Variants in GLRA3 observed in about 807,000 individuals in gnomAD.
GLRA3 encodes the protein glycine receptor subunit alpha-3.
In GLRA3, 44 loss-of-function variants were observed where a neutral mutation model predicts 60.4. The ratio of observed to expected loss-of-function variants is 0.73; its 90% CI spans 0.57 to 0.94. The LOEUF (loss-of-function observed/expected upper bound fraction) is 0.94, where lower values mean the gene tolerates loss of function less well. Ranked by LOEUF, GLRA3 falls within the 40% of genes least tolerant of loss-of-function variation. GLRA3 has a pLI of 0.00. For missense variants in GLRA3, 508 were observed against 564.6 expected (o/e 0.90, Z 1.02); for synonymous variants, 223 against 192.9 (o/e 1.16, Z -1.29).
chr4:174,734,985 A>G (rs1579525702), intron 3 of GLRA3, among the ~76,000 whole-genome samples: 1 of 152,192 alleles, frequency 6.6e-6, no homozygotes, highest in Non-Finnish European at 1.5e-5. Context: ...CTTGCTGTCA[A>G]TGAAAAATAG....
chr4:174,818,610 T>C (rs1740605386), intron 1 of GLRA3, among the ~76,000 whole-genome samples: 1 of 152,132 alleles, frequency 6.6e-6, no homozygotes, highest in Non-Finnish European at 1.5e-5. Context: ...ATTTCAGAGA[T>C]TTAAGGGGAA....
chr4:174,726,407 T>C (rs1488788963), intron 4 of GLRA3, among the ~76,000 whole-genome samples: 1 of 152,202 alleles, frequency 6.6e-6, no homozygotes, highest in Non-Finnish European at 1.5e-5. Context: ...GGCTTTGCTG[T>C]CTTAAGGGGG....
chr4:174,721,105 T>A (rs1288909392), intron 4 of GLRA3, among the ~76,000 whole-genome samples: 7 of 151,786 alleles, frequency 4.6e-5, no homozygotes, highest in Admixed American at 2.0e-4. Context: ...CTTGGCACAC[T>A]GGAACCTCCA....
intron 1 of GLRA3, among the ~76,000 whole-genome samples, chr4:174,808,430 C>T (rs1029562446): frequency 2.0e-5 from 3 of 151,966 alleles, no homozygotes; most frequent in Non-Finnish European, 2.9e-5. Context: ...TACAGCATTG[C>T]CAGTCATATA....
chr4:174,809,940 A>G lies in GLRA3; in HGVS notation c.71+18801T>C, dbSNP rs114376357. On this transcript the variant is annotated intron_variant, in intron 1 of 9. Transcript: ENST00000274093. ...TAGAAGAAATTAAGACTTTTATAGA[A>G]GAGAATTTTATAAATAAGACAAAAT... Among the ~76,000 whole-genome samples the G allele has an allele frequency of 9.6e-3, 1,467 of 152,244 alleles. 22 individuals are homozygous for G. Among genetic ancestry groups the G allele is most frequent in the African/African-American group, 0.033 (1,352 of 41,546 alleles).
chr4:174,808,528 C>G (rs761661593), intron 1 of GLRA3, among the ~76,000 whole-genome samples: 3 of 152,126 alleles, frequency 2.0e-5, no homozygotes, highest in Non-Finnish European at 4.4e-5. Context: ...CCCTACTATA[C>G]TTTTAATCTT....
rs894835082 is a variant in GLRA3, at chr4:174,706,251, A to G, written c.574+9237T>C. 5.9e-5 allele frequency among the ~76,000 whole-genome samples: 9 copies of G among 152,158 alleles called. No homozygotes were observed. The East Asian group carries it at 1.2e-3, about 20-fold the overall frequency. On this transcript the variant is annotated intron_variant, in intron 5 of 9. Transcript: ENST00000274093. The stretch of plus-strand genomic sequence containing the variant: ...TCTCAGAAAAAAAAAAGAAAAAAAA[A>G]ATGTTCAGAAATGGCCTGGCGGAAT...
intron 4 of GLRA3, among the ~76,000 whole-genome samples, chr4:174,716,846 A>C (rs1579497074): frequency 6.6e-6 from 1 of 152,260 alleles, no homozygotes; most frequent in East Asian, 1.9e-4. Flanking sequence ...AGACTCCTTC[A>C]TTTACTCATC....
At chr4:174,673,650 A>G (rs1412433086) in intron 7 of GLRA3, among the ~76,000 whole-genome samples, 1 of 152,140 alleles carries the variant, frequency 6.6e-6, no homozygotes. Context: ...CTGTCTTTCC[A>G]GGCTTTCTTC....
At chr4:174,785,947 T>G (rs1014716615) in intron 2 of GLRA3, among the ~76,000 whole-genome samples, 14 of 147,596 alleles carry the variant, frequency 9.5e-5, no homozygotes, top group African/African-American at 3.2e-4. Flanking sequence ...TTTTTTTTTT[T>G]TTTTTTTTTT....
chr4:174,715,605 T>C, intron 4 of GLRA3, 35 bp from the exon 5 acceptor site: 1 of 917,718 alleles, frequency 1.1e-6, no homozygotes, highest in Non-Finnish European at 1.8e-6. Flanking sequence ...AAAGGAAATT[T>C]ATGACATTAT....
intron 1 of GLRA3, among the ~76,000 whole-genome samples, chr4:174,798,835 G>A (rs1445337406): frequency 6.6e-6 from 1 of 152,072 alleles, no homozygotes; most frequent in Admixed American, 6.5e-5. Flanking sequence ...GAGGCAGAAT[G>A]CCGTGAACCC....
chr4:174,793,422 T>A (rs772178766), intron 1 of GLRA3, among the ~76,000 whole-genome samples: 3 of 81,634 alleles, frequency 3.7e-5, no homozygotes, highest in Admixed American at 1.1e-4. Context: ...AAATTTACAT[T>A]CATTTATTTA....
At chr4:174,680,839 G>A (rs979356924) in intron 6 of GLRA3, among the ~76,000 whole-genome samples, 1 of 152,080 alleles carries the variant, frequency 6.6e-6, no homozygotes, top group East Asian at 1.9e-4. Flanking sequence ...GGGGGAAAGG[G>A]TATTTTATAA....
chr4:174,748,207 G>A (rs1274243193), intron 3 of GLRA3, among the ~76,000 whole-genome samples: 2 of 152,128 alleles, frequency 1.3e-5, no homozygotes, highest in Non-Finnish European at 2.9e-5. Context: ...AACCAGAGAT[G>A]GTTGAATTAG....
chr4:174,787,131 A>C (rs1662626020), intron 2 of GLRA3, among the ~76,000 whole-genome samples: 1 of 152,160 alleles, frequency 6.6e-6, no homozygotes, highest in South Asian at 2.1e-4. Flanking sequence ...AAACTTTCCA[A>C]GAGAATGGCA....
chr4:174,775,887 T>TA (rs1414612578), intron 2 of GLRA3, among the ~76,000 whole-genome samples: 7 of 70,186 alleles, frequency 1.0e-4, no homozygotes, highest in Non-Finnish European at 1.9e-4. Flanking sequence ...CCAAAAATAA[T>TA]GGAAAAAAAA....
At chr4:174,676,343 C>T (rs575040825) in intron 7 of GLRA3, among the ~76,000 whole-genome samples, 7 of 136,792 alleles carry the variant, frequency 5.1e-5, no homozygotes, top group African/African-American at 2.0e-4. Context: ...ATAATATATA[C>T]CATATTGGGC....
At chr4:174,823,577 T>C (rs772304867) in intron 1 of GLRA3, among the ~76,000 whole-genome samples, 16 of 152,102 alleles carry the variant, frequency 1.1e-4, no homozygotes, top group African/African-American at 2.2e-4. Flanking sequence ...AATGCAAGTA[T>C]ATAAATAATC....
Sources: gnomAD v4.1 joint callset for allele counts (sites outside exome capture counted in the v4.1 genomes callset) on GRCh38, gnomAD v4.1.1 for gene constraint, MANE v1.5 for transcripts, NCBI Gene and HGNC (gene_info 2026-07-23, HGNC 2026-07-21) for gene names.